Variants in MCCC2 observed in about 807,000 individuals in gnomAD.
MCCC2 encodes the protein methylcrotonoyl-CoA carboxylase beta chain, mitochondrial.
In MCCC2, 52 loss-of-function variants were observed where a neutral mutation model predicts 77.2. The ratio of observed to expected loss-of-function variants is 0.67; its 90% CI spans 0.54 to 0.85. MCCC2 has a LOEUF of 0.85. Among genes scored for constraint, MCCC2 ranks in the 40% least tolerant of loss-of-function variants. MCCC2 has a pLI of 0.00. For missense variants in MCCC2, 682 were observed against 703.2 expected (o/e 0.97, Z 0.34); for synonymous variants, 253 against 248.4 (o/e 1.02, Z -0.18).
chr5:71,613,196 TA>T (rs1279629056), intron 6 of MCCC2, among the ~76,000 whole-genome samples: 2 of 152,258 alleles, frequency 1.3e-5, no homozygotes, highest in Non-Finnish European at 1.5e-5. Flanking sequence ...AGACCATCTT[TA>T]CAGATTCTGG....
In MCCC2 at chr5:71,649,081, C is replaced by T. The variant is rs772467591; in HGVS notation, c.1217-16C>T. ...ATCCCATCACCCAGAGGCTCTCTTT[C>T]TGATCTTTCTCTCAGGATTTATGGT... On this transcript the variant is annotated splice_polypyrimidine_tract_variant and intron_variant, in intron 13 of 16. Coordinates refer to ENST00000340941, the MANE Select transcript of MCCC2 (RefSeq NM_022132.5). 25 of 1,614,048 alleles carry T rather than the reference C, an allele frequency of 1.5e-5. No homozygotes were observed. Among genetic ancestry groups the T allele is most frequent in the South Asian group, 1.3e-4 (12 of 91,090 alleles).
At chr5:71,610,516 A>C (rs1227611670) in intron 6 of MCCC2, among the ~76,000 whole-genome samples, 5 of 152,188 alleles carry the variant, frequency 3.3e-5, no homozygotes. Context: ...AAATGCAGAA[A>C]TCACCCGTCT....
chr5:71,640,953 A>C (rs777482581), intron 10 of MCCC2, 50 bp from the exon 11 acceptor site: 13 of 1,524,678 alleles, frequency 8.5e-6, no homozygotes, highest in Non-Finnish European at 1.2e-5. Flanking sequence ...TTAATACAAA[A>C]ATTCTTTTGC....
chr5:71,596,298 G>T lies in MCCC2; in HGVS notation c.215G>T (p.Arg72Leu). Reference protein sequence around the residue: ...HIKLGGGEKARALHISRGKLL... With the variant: ...HIKLGGGEKALALHISRGKLL... ...ATCATAGGAGGTGGTGAGAAAGCCC[G>T]AGCACTTCACATATCAAGAGGAAAA... Residue 72 changes from arginine (R) to leucine (L), a missense_variant, in exon 3 of 17, where the codon CGA (arginine) becomes CTA (leucine). Physicochemically the swap from Arg to Leu is moderately radical, Grantham distance 102. Coordinates refer to ENST00000340941, the MANE Select transcript of MCCC2 (RefSeq NM_022132.5). 1 of 1,613,982 alleles carries T rather than the reference G, an allele frequency of 6.2e-7. No individual in the cohort carries two copies.
At position 71,587,557 on chromosome 5, in the gene MCCC2, A is replaced by G. The variant is rs1352606118; in HGVS notation, c.129+3A>G. The stretch of plus-strand genomic sequence containing the variant: ...ACTTGGGCTCTGCCCTCTACCAGGT[A>G]GGCTGAGCGCCCCGGTGGCCTGGCC... On this transcript the variant is annotated splice_donor_region_variant and intron_variant, in intron 1 of 16. Coordinates refer to ENST00000340941, the MANE Select transcript of MCCC2 (RefSeq NM_022132.5). 4 of 1,534,420 alleles carry G rather than the reference A, an allele frequency of 2.6e-6. No individual in the cohort carries two copies. In the Admixed American group the frequency reaches 5.9e-5, roughly 23 times the overall value.
chr5:71,605,328 G>A (rs1167991671), intron 6 of MCCC2, among the ~76,000 whole-genome samples: 1 of 151,102 alleles, frequency 6.6e-6, no homozygotes, highest in East Asian at 1.9e-4. Context: ...TTCTCTGATG[G>A]CCAGTGATGA....
At chr5:71,600,750 G>A (rs1745396407) in intron 4 of MCCC2, among the ~76,000 whole-genome samples, 1 of 152,230 alleles carries the variant, frequency 6.6e-6, no homozygotes, top group African/African-American at 2.4e-5. Flanking sequence ...GGGCATGGCT[G>A]TATCTGGGAG....
chr5:71,590,323 C>T (rs750051679), intron 1 of MCCC2, among the ~76,000 whole-genome samples: 10 of 152,176 alleles, frequency 6.6e-5, no homozygotes, highest in Admixed American at 3.3e-4. Context: ...ACTGGCTCTT[C>T]TGTGATTTAA....
intron 6 of MCCC2, among the ~76,000 whole-genome samples, chr5:71,622,264 C>G (rs184651912): frequency 6.5e-4 from 88 of 136,422 alleles, no homozygotes; most frequent in African/African-American, 2.3e-3. Flanking sequence ...AAAACGCCAT[C>G]TCTACTAAAA....
intron 10 of MCCC2, 68 bp from the exon 11 acceptor site, chr5:71,640,935 A>G: frequency 7.4e-7 from 1 of 1,350,668 alleles, no homozygotes. Flanking sequence ...GTTTTCCTAT[A>G]AGTAACTTTA....
chr5:71,638,582 G>A (rs1374332878), intron 10 of MCCC2, among the ~76,000 whole-genome samples: 3 of 151,982 alleles, frequency 2.0e-5, no homozygotes, highest in African/African-American at 7.2e-5. Flanking sequence ...ATGCAGTGGC[G>A]CAATCTTGGC....
At chr5:71,623,488 C>T (rs1296620106) in intron 6 of MCCC2, among the ~76,000 whole-genome samples, 2 of 152,128 alleles carry the variant, frequency 1.3e-5, no homozygotes, top group Non-Finnish European at 2.9e-5. Context: ...CACACCATGT[C>T]ACGTGACTTC....
At chr5:71,640,050 C>A (rs1250871011) in intron 10 of MCCC2, among the ~76,000 whole-genome samples, 1 of 152,086 alleles carries the variant, frequency 6.6e-6, no homozygotes, top group Non-Finnish European at 1.5e-5. Flanking sequence ...TGAAAATATG[C>A]TTCCTGTTTA....
chr5:71,647,134 AG>A (rs1747293917), intron 13 of MCCC2, among the ~76,000 whole-genome samples: 1 of 152,174 alleles, frequency 6.6e-6, no homozygotes. Flanking sequence ...TGAGATATAC[AG>A]GGCACTCAGA....
rs1746782647 is a variant in MCCC2, at chr5:71,633,106, TATATATATATATATATATATATA to T, written c.803+922_803+944del. Among the ~76,000 whole-genome samples, 41 of 21,818 alleles carry T rather than the reference TATATATATATATATATATATATA, an allele frequency of 1.9e-3. 4 individuals are homozygous for T. Among genetic ancestry groups the T allele is most frequent in the African/African-American group, 4.9e-3 (40 of 8,202 alleles). 14.3% of individuals were successfully genotyped at this position (21,818 alleles called of 152,430 possible). On this transcript the variant is annotated intron_variant, in intron 8 of 16. Coordinates refer to ENST00000340941, the MANE Select transcript of MCCC2 (RefSeq NM_022132.5). ...TTTTTCAGTTTTATATATATATATATATATATATATATATATATATATATATTTTTATTTTTTGTAGAAACAGG... is the reference window on the plus strand; with the variant it reads ...TTTTTCAGTTTTATATATATATATATTATTTTTATTTTTTGTAGAAACAGG...
At chr5:71,630,002 C>T (rs1045438541) in intron 7 of MCCC2, among the ~76,000 whole-genome samples, 1 of 152,128 alleles carries the variant, frequency 6.6e-6, no homozygotes, top group Non-Finnish European at 1.5e-5. Flanking sequence ...AAGATTTTGT[C>T]TAAGGGTCAG....
Position 71,658,193 on chromosome 5 carries a change from A to G in MCCC2, c.*1333A>G, listed in dbSNP as rs1326564728. On this transcript the variant is annotated 3_prime_UTR_variant, in exon 17 of 17. Coordinates refer to ENST00000340941, the MANE Select transcript of MCCC2 (RefSeq NM_022132.5). Reference sequence around the variant, plus strand: ...TCACATCTTTAATCTTATCTCTTTGACTCCTCTTTACACCGGAGAACGGCT... The same window carrying G: ...TCACATCTTTAATCTTATCTCTTTGGCTCCTCTTTACACCGGAGAACGGCT... 1 of 151,558 alleles carries G rather than the reference A, an allele frequency of 6.6e-6. No individual in the cohort carries two copies. Among genetic ancestry groups the G allele is most frequent in the Non-Finnish European group, 1.5e-5 (1 of 67,894 alleles). The allele number at this position is 151,558 out of a possible 1,614,324, so 9.4% of individuals were successfully genotyped here.
Position 71,631,859 on chromosome 5 carries a change from C to T in MCCC2, c.739-262C>T, listed in dbSNP as rs277979. Among the ~76,000 whole-genome samples, 57,728 of 151,766 alleles carry T rather than the reference C, an allele frequency of 0.38. 11,774 individuals are homozygous for T. Among genetic ancestry groups the T allele is most frequent in the South Asian group, 0.47 (2,261 of 4,808 alleles). ...CCGGCCAGGTCTTTCAAGCTGGAAACGTGTGGGCTCAAATGAGACTCCATT... is the reference window on the plus strand; with the variant it reads ...CCGGCCAGGTCTTTCAAGCTGGAAATGTGTGGGCTCAAATGAGACTCCATT... On this transcript the variant is annotated intron_variant, in intron 7 of 16. Coordinates refer to ENST00000340941, the MANE Select transcript of MCCC2 (RefSeq NM_022132.5).
In MCCC2 at chr5:71,596,340, G is replaced by T; in HGVS notation, c.257G>T (p.Arg86Ile). The change falls in exon 3 of 17, where the codon AGA becomes ATA. Residue 86 changes from arginine (R) to isoleucine (I), a missense_variant. By Grantham distance (97) the Arg-to-Ile change is moderately conservative. Transcript: ENST00000340941. ...AGAGGAAAACTATTGCCCAGAGAAA[G>T]AATTGACAATCTCATAGACCCAGGG... ...ISRGKLLPRE[R>I]IDNLIDPGSP... The T allele has an allele frequency of 6.2e-7, 1 of 1,614,136 alleles. No homozygotes were observed. The highest frequency in any genetic ancestry group is 8.5e-7 in the Non-Finnish European group (1 of 1,180,016).
Sources: allele counts gnomAD v4.1 joint callset (sites outside exome capture counted in the v4.1 genomes callset), GRCh38; gene constraint gnomAD v4.1.1; transcripts MANE v1.5; gene names NCBI Gene and HGNC (gene_info 2026-07-23, HGNC 2026-07-21).